ATAD3A: variants seen among roughly 807,000 people sequenced by gnomAD.
ATAD3A encodes the protein ATPase family AAA domain containing 3A, also known as ATPase family AAA domain-containing protein 3A.
ATAD3A carries 46 observed loss-of-function variants against 73.8 expected under a neutral mutation model. The ratio of observed to expected loss-of-function variants is 0.62; its 90% CI spans 0.49 to 0.80. The LOEUF is 0.80. ATAD3A is among the 30% of genes least tolerant of loss of function. The pLI is 0.00. For missense variants in ATAD3A, 705 were observed against 838.0 expected, an observed-to-expected ratio of 0.84 and a Z score of 1.96; for synonymous variants, 319 against 350.0, an observed-to-expected ratio of 0.91 and a Z score of 0.99.
At position 1,512,410 on chromosome 1, in the gene ATAD3A, A is replaced by G; in HGVS notation, c.142A>G (p.Ser48Gly). Residue 48 changes from serine (S) to glycine (G), a missense_variant, in exon 1 of 16, where the codon AGC becomes GGC. Physicochemically the swap from Ser to Gly is moderately conservative, Grantham distance 56. Transcript: ENST00000378756. ...GDRPAPKDKWSNFDPTGLERA... is the reference protein window; with the variant it reads ...GDRPAPKDKWGNFDPTGLERA... ...CCGGCCGGCGCCCAAGGACAAATGG[A>G]GCAACTTCGACCCCACCGGCCTGGA... 8.1e-7 allele frequency: 1 copy of G among 1,232,112 alleles called. No homozygotes were observed. The highest frequency in any genetic ancestry group is 1.0e-6 in the Non-Finnish European group (1 of 983,014). The allele number at this position is 1,232,112 out of a possible 1,614,324, so 76.3% of individuals were successfully genotyped here. A position where few individuals can be genotyped will look rare whatever the true frequency, so the allele number is the denominator to read the frequency against.
chr1:1,531,218 G>T (rs1392774539), intron 15 of ATAD3A, among the ~76,000 whole-genome samples: 2 of 152,126 alleles, frequency 1.3e-5, no homozygotes, highest in African/African-American at 4.8e-5. Context: ...ACTTTGGGAG[G>T]CCAAGGCGGG....
At chr1:1,533,857 G>A (rs1557483728) in intron 15 of ATAD3A, 69 bp from the exon 16 acceptor site, 8 of 1,557,680 alleles carry the variant, frequency 5.1e-6, no homozygotes, top group South Asian at 1.2e-5. Flanking sequence ...CCCACCTCGG[G>A]GCCCTGGCGT....
At chr1:1,518,448 C>T (rs547444386) in intron 4 of ATAD3A, among the ~76,000 whole-genome samples, 3 of 136,316 alleles carry the variant, frequency 2.2e-5, no homozygotes, top group Non-Finnish European at 4.8e-5. Context: ...CATGGGCGCG[C>T]GTACACCCCC....
intron 1 of ATAD3A, among the ~76,000 whole-genome samples, chr1:1,513,557 G>T (rs1641265505): frequency 6.6e-6 from 1 of 152,062 alleles, no homozygotes; most frequent in Non-Finnish European, 1.5e-5. Context: ...AGGGTCTCCA[G>T]GTGCACCGTG....
chr1:1,512,440 G>A lies in ATAD3A; in HGVS notation c.172G>A (p.Ala58Thr). Residue 58 changes from alanine (A) to threonine (T), a missense_variant, in exon 1 of 16, where the codon GCC becomes ACC. By Grantham distance (58) the Ala-to-Thr change is moderately conservative (BLOSUM62 0). Around this residue, in one of 5 missense-constraint regions of ATAD3A, gnomAD observed 125 missense variants for 170.6 expected, o/e 0.73. Coordinates refer to ENST00000378756, the MANE Select transcript of ATAD3A (RefSeq NM_001170535.3). ...CTTCGACCCCACCGGCCTGGAGCGCGCCGCCAAGGCGGCGCGCGAGCTGGA... is the reference window on the plus strand; with the variant it reads ...CTTCGACCCCACCGGCCTGGAGCGCACCGCCAAGGCGGCGCGCGAGCTGGA... Reference protein sequence around the residue: ...SNFDPTGLERAAKAARELEHS... With the variant: ...SNFDPTGLERTAKAARELEHS... 2 of 1,205,484 alleles carry A rather than the reference G, an allele frequency of 1.7e-6. No homozygotes were observed. Among genetic ancestry groups the A allele is most frequent in the Non-Finnish European group, 2.1e-6 (2 of 968,518 alleles). The allele number at this position is 1,205,484 out of a possible 1,614,324, so 74.7% of individuals were successfully genotyped here.
intron 2 of ATAD3A, 76 bp downstream of exon 2, chr1:1,516,164 C>T (rs576849249): frequency 1.9e-5 from 31 of 1,600,702 alleles, no homozygotes; most frequent in East Asian, 6.7e-5. Flanking sequence ...GGGCTACTGC[C>T]GGTGGGTAGG....
chr1:1,522,454 C>G (rs1246368745), intron 7 of ATAD3A, among the ~76,000 whole-genome samples: 1 of 152,236 alleles, frequency 6.6e-6, no homozygotes. Flanking sequence ...CCTGTGACAT[C>G]CGGCTGGGTC....
chr1:1,523,719 C>G lies in ATAD3A; in HGVS notation c.964-120C>G. 11 of 1,586,970 alleles carry G rather than the reference C, an allele frequency of 6.9e-6. No homozygotes were observed. Among genetic ancestry groups the G allele is most frequent in the Non-Finnish European group, 9.4e-6 (11 of 1,164,832 alleles). ...GACCGTGCTGGGGATAGATAGGCTG[C>G]CCCTGAGGTGGGAGGCTTCCCGAGG... On this transcript the variant is annotated intron_variant, in intron 9 of 15. Coordinates refer to ENST00000378756, the MANE Select transcript of ATAD3A (RefSeq NM_001170535.3). The surrounding 1 kb of genome is among the most constrained non-coding windows in gnomAD (Gnocchi z 5.1).
intron 7 of ATAD3A, 121 bp from the exon 8 acceptor site, chr1:1,522,623 A>C (rs925074284): frequency 1.6e-5 from 24 of 1,517,108 alleles, no homozygotes; most frequent in Non-Finnish European, 2.1e-5. Context: ...CTGTGGGGCC[A>C]GTGCACGGCC....
At position 1,512,248 on chromosome 1, in the gene ATAD3A, AGCG is replaced by A. The variant is rs769862110; in HGVS notation, c.-10_-8del. 39 of 1,275,806 alleles carry A rather than the reference AGCG, an allele frequency of 3.1e-5. No homozygotes were observed. Among genetic ancestry groups the A allele is most frequent in the East Asian group, 1.8e-4 (6 of 33,450 alleles). The allele number at this position is 1,275,806 out of a possible 1,614,324, so 79.0% of individuals were successfully genotyped here. A position where few individuals can be genotyped will look rare whatever the true frequency, so the allele number is the denominator to read the frequency against. On this transcript the variant is annotated 5_prime_UTR_variant, in exon 1 of 16. Transcript: ENST00000378756. ...CTCGGGTGGGGGTCCCGGCGGCGGT[AGCG>A]GCGGCGGCGGTGCGAGCATGTCGTG...
intron 15 of ATAD3A, 45 bp from the exon 16 acceptor site, chr1:1,533,881 G>C (rs368181182): frequency 1.1e-3 from 1,696 of 1,593,436 alleles, no homozygotes; most frequent in Non-Finnish European, 1.3e-3. Flanking sequence ...TTTGGGGTGG[G>C]GGGTTCCCAT....
In ATAD3A at chr1:1,517,344, G is replaced by A. The variant is rs1641394875; in HGVS notation, c.316G>A (p.Glu106Lys). ...YEAAVEQLKS[E>K]QIRAQAEERR... ...GGCCGCCGTGGAGCAGCTCAAGAGC[G>A]AGCAGATCCGGGCGCAGGCTGAGGA... The change falls in exon 3 of 16, where the codon GAG (glutamate) becomes AAG (lysine). Residue 106 changes from glutamate (E) to lysine (K), a missense_variant. Glu to Lys is a moderately conservative substitution (Grantham distance 56, BLOSUM62 1). Coordinates refer to ENST00000378756, the MANE Select transcript of ATAD3A (RefSeq NM_001170535.3). 2 of 1,542,732 alleles carry A rather than the reference G, an allele frequency of 1.3e-6. No homozygotes were observed. The highest frequency in any genetic ancestry group is 8.7e-7 in the Non-Finnish European group (1 of 1,145,866).
chr1:1,529,325 C>G lies in ATAD3A; in HGVS notation c.1608C>G (p.Ser536=), dbSNP rs970885669. ...GGGAGATCGCTCAGCTGGCCGTGTC[C>G]TGGCAGGTGAGTCAGGCTCCGGCAC... ...SGREIAQLAV[S]WQATAYASED... The change falls in exon 15 of 16, where the codon TCC becomes TCG. Residue 536 remains serine (S), a synonymous_variant. Coordinates refer to ENST00000378756, the MANE Select transcript of ATAD3A (RefSeq NM_001170535.3). The G allele has an allele frequency of 3.2e-6, 5 of 1,583,534 alleles. No individual in the cohort carries two copies. The highest frequency in any genetic ancestry group is 3.4e-6 in the Non-Finnish European group (4 of 1,165,186).
rs528980362 is a variant in ATAD3A at position 1,524,198 on chromosome 1, C to G, written c.1090-75C>G. On this transcript the variant is annotated intron_variant, in intron 10 of 15. Transcript: ENST00000378756. Reference sequence around the variant, plus strand: ...AGGGACGCTGGGCAGAGCCTCCACACTCCGGGTGGAGTGTGCAGGCTTTGC... The same window carrying G: ...AGGGACGCTGGGCAGAGCCTCCACAGTCCGGGTGGAGTGTGCAGGCTTTGC... 1.9e-6 allele frequency: 3 copies of G among 1,612,458 alleles called. No homozygotes were observed. In the Admixed American group the frequency reaches 5.0e-5, roughly 27 times the overall value.
At chr1:1,524,830 A>T (rs1171958895) in intron 11 of ATAD3A, among the ~76,000 whole-genome samples, 5 of 150,538 alleles carry the variant, frequency 3.3e-5, no homozygotes, top group Non-Finnish European at 7.4e-5. Context: ...CGCAGGGCAC[A>T]GCCCGGGCAC....
Position 1,534,239 on chromosome 1 carries a change from C to G in ATAD3A, c.*167C>G. 6.7e-7 allele frequency: 1 copy of G among 1,497,162 alleles called. No individual in the cohort carries two copies. The allele number at this position is 1,497,162 out of a possible 1,614,324, so 92.7% of individuals were successfully genotyped here. A position where few individuals can be genotyped will look rare whatever the true frequency, so the allele number is the denominator to read the frequency against. On this transcript the variant is annotated 3_prime_UTR_variant, in exon 16 of 16. Coordinates refer to ENST00000378756, the MANE Select transcript of ATAD3A (RefSeq NM_001170535.3). The stretch of plus-strand genomic sequence containing the variant: ...GGTGCGGGTCGGCCGTTCTGCCCCC[C>G]AGGGCACCCCCTGTTGTAGGCACTG...
intron 12 of ATAD3A, 90 bp downstream of exon 12, chr1:1,525,381 C>T (rs568972208): frequency 6.3e-5 from 76 of 1,199,548 alleles, no homozygotes; most frequent in South Asian, 1.5e-4. Flanking sequence ...TGTTCAGTTT[C>T]TTTTTCTCTG....
chr1:1,515,801 GA>G (rs1641335605), intron 1 of ATAD3A, among the ~76,000 whole-genome samples: 1 of 152,230 alleles, frequency 6.6e-6, no homozygotes, highest in South Asian at 2.1e-4. Flanking sequence ...TCCCTGGGGG[GA>G]TAAAACCTCA....
chr1:1,525,541 A>G (rs1414160315), intron 12 of ATAD3A, among the ~76,000 whole-genome samples: 3 of 150,576 alleles, frequency 2.0e-5, no homozygotes, highest in Non-Finnish European at 4.4e-5. Flanking sequence ...CAGCCTCCCA[A>G]GTAGCTGGGA....
Sources: gnomAD v4.1 joint callset for allele counts (sites outside exome capture counted in the v4.1 genomes callset) on GRCh38, gnomAD v4.1.1 for gene constraint, gnomAD v4.1.1 regional missense constraint, Gnocchi (gnomAD v3.1) non-coding constraint, MANE v1.5 for transcripts, NCBI Gene and HGNC (gene_info 2026-07-23, HGNC 2026-07-21) for gene names.